Variants in TRPM7 observed in about 807,000 individuals in gnomAD.
TRPM7 encodes the protein transient receptor potential cation channel subfamily M member 7.
Under a neutral mutation model 229.7 loss-of-function variants are expected in TRPM7, and 134 were observed. That is an observed-to-expected ratio of 0.58 (90% confidence interval 0.51 to 0.67). TRPM7 has a LOEUF of 0.67. TRPM7 is among the 30% of genes least tolerant of loss of function. The probability of loss-of-function intolerance (pLI) is 0.00; values close to 1 mark genes in which losing one functional copy is unlikely to be tolerated. For missense variants in TRPM7, 1,901 were observed against 2,210.0 expected (o/e 0.86, Z 2.80); for synonymous variants, 699 against 715.2 (o/e 0.98, Z 0.36).
In TRPM7 at chr15:50,626,926, T is replaced by C. The variant is rs1567036577; in HGVS notation, c.1305+1223A>G. 2.0e-5 allele frequency among the ~76,000 whole-genome samples: 3 copies of C among 151,450 alleles called. No individual in the cohort carries two copies. In the South Asian group the frequency reaches 6.2e-4, roughly 31 times the overall value. On this transcript the variant is annotated intron_variant, in intron 11 of 38. Transcript: ENST00000646667. ...CTATTAACTACACAGTACATGTAGATATGCATGAATGTTTGTACATTCATA... is the reference window on the plus strand; with the variant it reads ...CTATTAACTACACAGTACATGTAGACATGCATGAATGTTTGTACATTCATA...
chr15:50,684,003 G>A (rs1436481797), intron 1 of TRPM7, among the ~76,000 whole-genome samples: 1 of 151,676 alleles, frequency 6.6e-6, no homozygotes, highest in Non-Finnish European at 1.5e-5. Flanking sequence ...GGGATTACAG[G>A]TGCCCATCAC....
chr15:50,578,898 C>T (rs975659838), intron 30 of TRPM7, among the ~76,000 whole-genome samples: 1 of 151,264 alleles, frequency 6.6e-6, no homozygotes, highest in Non-Finnish European at 1.5e-5. Flanking sequence ...CTTGTATCTC[C>T]AATTTATGCA....
At chr15:50,565,822 C>CTT in intron 38 of TRPM7, among the ~76,000 whole-genome samples, 1 of 129,842 alleles carries the variant, frequency 7.7e-6, no homozygotes, top group Non-Finnish European at 1.7e-5. Context: ...ACCATAAACT[C>CTT]TTTTTGTTTT....
rs369818094 is a variant in TRPM7 at position 50,667,069 on chromosome 15, AG to A, written c.4-4024del. ...GTAACATCTTTCTGGCAAACCATAAAGGGATGATACTGAGGAGACCCCCAAC... is the reference window on the plus strand; with the variant it reads ...GTAACATCTTTCTGGCAAACCATAAAGGATGATACTGAGGAGACCCCCAAC... On this transcript the variant is annotated intron_variant, in intron 1 of 38. Coordinates refer to ENST00000646667, the MANE Select transcript of TRPM7 (RefSeq NM_017672.6). Among the ~76,000 whole-genome samples the A allele has an allele frequency of 3.0e-4, 45 of 152,250 alleles. No homozygotes were observed. In the East Asian group the frequency reaches 7.9e-3, roughly 27 times the overall value.
intron 7 of TRPM7, among the ~76,000 whole-genome samples, chr15:50,635,803 CTCCTATCTACCAAAAATACAAAAAAT>C (rs1381365666): frequency 6.6e-6 from 1 of 151,400 alleles, no homozygotes; most frequent in Non-Finnish European, 1.5e-5. Context: ...ATAGTGAAAC[CTCCTATCTACCAAAAATACAAAAAAT>C]TAGCTGGGGC....
intron 21 of TRPM7, among the ~76,000 whole-genome samples, chr15:50,601,365 T>C (rs558780078): frequency 1.3e-5 from 2 of 152,248 alleles, no homozygotes; most frequent in South Asian, 2.1e-4. Context: ...AAAATTTTAC[T>C]GGGCACGGTG....
intron 1 of TRPM7, among the ~76,000 whole-genome samples, chr15:50,670,312 G>A (rs1211595427): frequency 6.6e-6 from 1 of 152,096 alleles, no homozygotes; most frequent in Non-Finnish European, 1.5e-5. Context: ...ATAAGGCTGA[G>A]ACCTGCTGGG....
In TRPM7 at chr15:50,574,840, A is replaced by C; in HGVS notation, c.5019+12T>G. The C allele has an allele frequency of 6.2e-7, 1 of 1,603,944 alleles. No individual in the cohort carries two copies. Among genetic ancestry groups the C allele is most frequent in the Non-Finnish European group, 8.5e-7 (1 of 1,175,140 alleles). On this transcript the variant is annotated intron_variant, in intron 34 of 38. Coordinates refer to ENST00000646667, the MANE Select transcript of TRPM7 (RefSeq NM_017672.6). ...AATTATGTTCCACTATTAAATATTC[A>C]CTGACACTTACTCTCAGACAGAGAT... is the stretch of plus-strand genomic sequence containing the variant.
rs1316733265 is a variant in TRPM7 at position 50,592,180 on chromosome 15, G to A, written c.4055C>T (p.Ser1352Phe). The A allele has an allele frequency of 6.2e-7, 1 of 1,614,148 alleles. No individual in the cohort carries two copies. Among genetic ancestry groups the A allele is most frequent in the Non-Finnish European group, 8.5e-7 (1 of 1,180,006 alleles). Residue 1352 changes from serine (S) to phenylalanine (F), a missense_variant, in exon 26 of 39, where the codon TCT (serine) becomes TTT (phenylalanine). Around this residue, in one of 8 missense-constraint regions of TRPM7, gnomAD observed 533 missense variants for 497.1 expected, o/e 1.07. Coordinates refer to ENST00000646667, the MANE Select transcript of TRPM7 (RefSeq NM_017672.6). ...AACAGCACTTGGGAATAAGGCACCA[G>A]AAGAGGAACCAGCCTCTGGAAAATT... ...EFNFPEAGSSSGALFPSAVSP... is the reference protein window; with the variant it reads ...EFNFPEAGSSFGALFPSAVSP...
rs1391774569 is a variant in TRPM7 at position 50,686,660 on chromosome 15, G to C, written c.-127C>G. On this transcript the variant is annotated 5_prime_UTR_variant, in exon 1 of 39. Coordinates refer to ENST00000646667, the MANE Select transcript of TRPM7 (RefSeq NM_017672.6). ...GGCCGCCGGACAAGGAACGCCCAGGGAAACCTTCTCAGAACTAACTCAGCT... is the reference window on the plus strand; with the variant it reads ...GGCCGCCGGACAAGGAACGCCCAGGCAAACCTTCTCAGAACTAACTCAGCT... 7.3e-7 allele frequency: 1 copy of C among 1,364,898 alleles called. No homozygotes were observed. Among genetic ancestry groups the C allele is most frequent in the Non-Finnish European group, 9.9e-7 (1 of 1,005,462 alleles). The allele number at this position is 1,364,898 out of a possible 1,614,324, so 84.5% of individuals were successfully genotyped here.
At chr15:50,621,258 TAA>T (rs1024225864) in intron 12 of TRPM7, among the ~76,000 whole-genome samples, 4 of 149,906 alleles carry the variant, frequency 2.7e-5, no homozygotes, top group Admixed American at 2.7e-4. Flanking sequence ...CTTTTTAAAA[TAA>T]AAGTTTCTTC....
intron 1 of TRPM7, among the ~76,000 whole-genome samples, chr15:50,675,659 C>T (rs2062077194): frequency 6.6e-6 from 1 of 152,196 alleles, no homozygotes; most frequent in African/African-American, 2.4e-5. Context: ...GTTATAAATA[C>T]ATATAAAAAT....
At chr15:50,657,747 C>A in intron 3 of TRPM7, 34 bp downstream of exon 3, 1 of 1,592,564 alleles carries the variant, frequency 6.3e-7, no homozygotes, top group South Asian at 1.1e-5. Context: ...ATTTATTTTC[C>A]GAAATTTGTG....
At chr15:50,585,810 A>T (rs1241691401) in intron 28 of TRPM7, among the ~76,000 whole-genome samples, 1 of 152,238 alleles carries the variant, frequency 6.6e-6, no homozygotes, top group Non-Finnish European at 1.5e-5. Flanking sequence ...CTTATAAAAA[A>T]TTATGATATG....
chr15:50,684,553 A>G (rs2062316918), intron 1 of TRPM7, among the ~76,000 whole-genome samples: 1 of 152,056 alleles, frequency 6.6e-6, no homozygotes, highest in Non-Finnish European at 1.5e-5. Context: ...AGGCAGGAGA[A>G]TCACTTGAAC....
At chr15:50,616,004 T>G (rs918217620) in intron 13 of TRPM7, among the ~76,000 whole-genome samples, 2 of 152,156 alleles carry the variant, frequency 1.3e-5, no homozygotes, top group African/African-American at 4.8e-5. Context: ...ATTTCCATCT[T>G]GAATACAAGA....
chr15:50,604,443 A>T (rs1411504440), intron 21 of TRPM7: 1 of 152,882 alleles, frequency 6.5e-6, no homozygotes. Flanking sequence ...ATGGTGGCAC[A>T]TGCCTGTAAT....
At chr15:50,680,770 G>A (rs1046335432) in intron 1 of TRPM7, among the ~76,000 whole-genome samples, 5 of 151,972 alleles carry the variant, frequency 3.3e-5, no homozygotes, top group Admixed American at 1.3e-4. Flanking sequence ...TGTCATCTGA[G>A]GTCTTACAAA....
At chr15:50,619,940 A>G in intron 12 of TRPM7, 142 bp from the exon 13 acceptor site, 1 of 677,968 alleles carries the variant, frequency 1.5e-6, no homozygotes, top group Non-Finnish European at 2.4e-6. Flanking sequence ...GTAGAACAAC[A>G]AAGAATTTTC....
Sources: gnomAD v4.1 joint callset for allele counts (sites outside exome capture counted in the v4.1 genomes callset) on GRCh38, gnomAD v4.1.1 for gene constraint, gnomAD v4.1.1 regional missense constraint, MANE v1.5 for transcripts, NCBI Gene and HGNC (gene_info 2026-07-23, HGNC 2026-07-21) for gene names.